The following SLC25A21 variants were observed in gnomAD, a reference collection of about 807,000 sequenced individuals.
The protein encoded by SLC25A21 is mitochondrial 2-oxodicarboxylate carrier.
A neutral mutation model predicts 43.8 loss-of-function variants in SLC25A21; 47 were observed. The ratio of observed to expected loss-of-function variants is 1.07; its 90% CI spans 0.85 to 1.37. The LOEUF (loss-of-function observed/expected upper bound fraction) is 1.37. Among genes scored for constraint, SLC25A21 ranks in the 40% most tolerant of loss-of-function variants. SLC25A21 has a pLI of 0.00. For missense variants in SLC25A21, 352 were observed against 350.2 expected, an observed-to-expected ratio of 1.00 and a Z score of -0.04; for synonymous variants, 131 against 121.3, an observed-to-expected ratio of 1.08 and a Z score of -0.52.
At chr14:36,861,383 T>A (rs900542777) in intron 2 of SLC25A21, among the ~76,000 whole-genome samples, 1 of 152,172 alleles carries the variant, frequency 6.6e-6, no homozygotes, top group Non-Finnish European at 1.5e-5. Context: ...TCGGCTTGAT[T>A]CCCATATGCT....
chr14:36,933,153 T>G (rs532613450), intron 1 of SLC25A21, among the ~76,000 whole-genome samples: 1 of 152,218 alleles, frequency 6.6e-6, no homozygotes, highest in Non-Finnish European at 1.5e-5. Context: ...AAATTAAAAC[T>G]GGAATTAGCT....
chr14:36,794,050 T>C (rs756231160), intron 3 of SLC25A21, among the ~76,000 whole-genome samples: 3 of 152,032 alleles, frequency 2.0e-5, no homozygotes, highest in African/African-American at 4.8e-5. Context: ...ATAGGAAAAT[T>C]CAATGGAAAA....
intron 7 of SLC25A21, among the ~76,000 whole-genome samples, chr14:36,685,944 C>T (rs1317860137): frequency 1.3e-5 from 2 of 152,144 alleles, no homozygotes; most frequent in Non-Finnish European, 2.9e-5. Context: ...GACCCCCCAC[C>T]CTATCTTTTC....
intron 3 of SLC25A21, among the ~76,000 whole-genome samples, chr14:36,773,357 AG>A (rs1306366492): frequency 6.6e-6 from 1 of 152,166 alleles, no homozygotes; most frequent in Non-Finnish European, 1.5e-5. Flanking sequence ...TTCATCTGGG[AG>A]GACCCCTAAA....
chr14:36,781,052 T>C (rs1375382459), intron 3 of SLC25A21, among the ~76,000 whole-genome samples: 4 of 152,314 alleles, frequency 2.6e-5, no homozygotes, highest in Middle Eastern at 3.4e-3. Flanking sequence ...TTTTGAGGAA[T>C]TGACTTCTTT....
intron 3 of SLC25A21, among the ~76,000 whole-genome samples, chr14:36,793,344 G>A (rs147969134): frequency 1.3e-4 from 19 of 152,000 alleles, no homozygotes; most frequent in African/African-American, 4.8e-5. Context: ...TGGAAAATAC[G>A]GAAACACATG....
intron 1 of SLC25A21, among the ~76,000 whole-genome samples, chr14:37,073,054 TTTAAG>T (rs1230142953): frequency 2.6e-5 from 4 of 152,236 alleles, no homozygotes; most frequent in Non-Finnish European, 5.9e-5. Flanking sequence ...ATATTGACTA[TTTAAG>T]TTAAGAACAC....
intron 3 of SLC25A21, among the ~76,000 whole-genome samples, chr14:36,770,481 TAC>T (rs1566595768): frequency 6.6e-6 from 1 of 152,172 alleles, no homozygotes; most frequent in African/African-American, 2.4e-5. Context: ...GCAATACATG[TAC>T]AGTAACAAGC....
At chr14:36,983,827 A>T (rs1193071694) in intron 1 of SLC25A21, among the ~76,000 whole-genome samples, 1 of 152,188 alleles carries the variant, frequency 6.6e-6, no homozygotes, top group Admixed American at 6.5e-5. Context: ...GAATGGAATC[A>T]TATCCTTTGC....
intron 1 of SLC25A21, among the ~76,000 whole-genome samples, chr14:36,895,477 T>C (rs1055770105): frequency 6.6e-6 from 1 of 152,176 alleles, no homozygotes; most frequent in East Asian, 1.9e-4. Flanking sequence ...TTTGTTGATC[T>C]TTTCAAAAAA....
intron 1 of SLC25A21, among the ~76,000 whole-genome samples, chr14:37,128,577 T>C (rs74503145): frequency 1.6e-4 from 24 of 149,274 alleles, no homozygotes; most frequent in African/African-American, 5.6e-4. Context: ...TGTGTGTGTG[T>C]GCATTTTGCT....
At chr14:37,028,396 T>G (rs1452177618) in intron 1 of SLC25A21, among the ~76,000 whole-genome samples, 1 of 152,222 alleles carries the variant, frequency 6.6e-6, no homozygotes, top group Admixed American at 6.5e-5. Flanking sequence ...CCATCATTAG[T>G]GTCACTTCTC....
intron 7 of SLC25A21, among the ~76,000 whole-genome samples, chr14:36,701,319 C>T (rs1272318783): frequency 2.0e-5 from 3 of 152,314 alleles, no homozygotes; most frequent in African/African-American, 4.8e-5. Flanking sequence ...GCTCCCCACT[C>T]CACAGAAGGT....
intron 1 of SLC25A21, among the ~76,000 whole-genome samples, chr14:37,056,061 C>T (rs191228616): frequency 3.6e-4 from 55 of 152,274 alleles, no homozygotes; most frequent in African/African-American, 1.1e-3. Context: ...TCCTCCTTCA[C>T]TCTCTCTTCC....
chr14:36,809,017 G>C (rs1888140238), intron 3 of SLC25A21: 1 of 152,132 alleles, frequency 6.6e-6, no homozygotes, highest in Non-Finnish European at 1.5e-5. Flanking sequence ...AAGTACAAAA[G>C]AGACTAGGCC....
chr14:36,943,681 C>T (rs1892619274), intron 1 of SLC25A21, among the ~76,000 whole-genome samples: 1 of 152,130 alleles, frequency 6.6e-6, no homozygotes, highest in Non-Finnish European at 1.5e-5. Flanking sequence ...TGGGGAAATG[C>T]CAGGTAACCC....
At chr14:36,953,394 A>G (rs1445773353) in intron 1 of SLC25A21, among the ~76,000 whole-genome samples, 5 of 152,194 alleles carry the variant, frequency 3.3e-5, no homozygotes, top group Non-Finnish European at 7.3e-5. Context: ...ATCTCACTAT[A>G]TAGTCATATA....
intron 1 of SLC25A21, among the ~76,000 whole-genome samples, chr14:36,893,024 T>A (rs773650160): frequency 1.2e-4 from 18 of 152,228 alleles, no homozygotes; most frequent in Non-Finnish European, 2.1e-4. Flanking sequence ...TGCATGTGTC[T>A]TTAGCGCAGC....
In SLC25A21 at chr14:36,979,591, A is replaced by G. The variant is rs1959971393; in HGVS notation, c.71-104587T>C. On this transcript the variant is annotated intron_variant, in intron 1 of 9. Transcript: ENST00000331299. ...GGCTGGTCTCGAACTACCGACCTTC[A>G]GTGATCCACCTATCTTGACCTCTCA... is the stretch of plus-strand genomic sequence containing the variant. Among the ~76,000 whole-genome samples the G allele has an allele frequency of 2.6e-5, 4 of 152,176 alleles. No homozygotes were observed. In the South Asian group the frequency reaches 8.3e-4, roughly 31 times the overall value.
Sources: gnomAD v4.1 joint callset for allele counts (sites outside exome capture counted in the v4.1 genomes callset) on GRCh38, gnomAD v4.1.1 for gene constraint, MANE v1.5 for transcripts, NCBI Gene and HGNC (gene_info 2026-07-23, HGNC 2026-07-21) for gene names.